Variants in CELF2 observed in about 807,000 individuals in gnomAD.
The protein encoded by CELF2 is CUG triplet repeat RNA-binding protein 2.
A neutral mutation model predicts 62.6 loss-of-function variants in CELF2; 8 were observed. The observed-to-expected ratio is 0.13, with a 90% CI of 0.07 to 0.23. CELF2 has a LOEUF of 0.23. Among genes scored for constraint, CELF2 ranks in the 10% least tolerant of loss-of-function variants. CELF2 has a pLI of 1.00. For missense variants in CELF2, 333 were observed against 671.0 expected (o/e 0.50, Z 5.56); for synonymous variants, 258 against 250.0 (o/e 1.03, Z -0.30).
At chr10:10,637,267 C>T in the CELF2 span, among the ~76,000 whole-genome samples, 1 of 152,106 alleles carries the variant, frequency 6.6e-6, no homozygotes, top group Non-Finnish European at 1.5e-5. Flanking sequence ...CAAAACATAC[C>T]TTAGTGTCCC....
the CELF2 span, among the ~76,000 whole-genome samples, chr10:10,518,421 C>G: frequency 6.6e-6 from 1 of 152,174 alleles, no homozygotes; most frequent in African/African-American, 2.4e-5. Flanking sequence ...ATTTCACCTT[C>G]CTGGTTTGCT....
At chr10:11,193,498 G>A (rs746536234) in intron 2 of CELF2, among the ~76,000 whole-genome samples, 3 of 152,196 alleles carry the variant, frequency 2.0e-5, no homozygotes, top group East Asian at 1.9e-4. Flanking sequence ...ACAATGAGAC[G>A]TAACTGAATT....
At chr10:10,968,012 G>T (rs2050326383) in intron 2 of CELF2, among the ~76,000 whole-genome samples, 1 of 152,044 alleles carries the variant, frequency 6.6e-6, no homozygotes, top group African/African-American at 2.4e-5. Flanking sequence ...CCTGAAATCT[G>T]TACTTTAAGC....
At chr10:10,756,071 A>T in the CELF2 span, among the ~76,000 whole-genome samples, 1 of 152,216 alleles carries the variant, frequency 6.6e-6, no homozygotes, top group African/African-American at 2.4e-5. Flanking sequence ...GTAAATAATT[A>T]TTTATTTTGA....
chr10:10,690,699 G>A, the CELF2 span, among the ~76,000 whole-genome samples: 1 of 152,090 alleles, frequency 6.6e-6, no homozygotes, highest in African/African-American at 2.4e-5. Flanking sequence ...GGCCATGATG[G>A]TGAAACCCCA....
At chr10:10,813,004 C>G (rs77085424) in intron 1 of CELF2, among the ~76,000 whole-genome samples, 16,050 of 150,404 alleles carry the variant, frequency 0.11, 1,229 homozygotes, top group East Asian at 0.34. Context: ...AGAGAAGTAC[C>G]TTCCCATCGG....
At chr10:10,659,423 T>G in the CELF2 span, among the ~76,000 whole-genome samples, 1 of 152,312 alleles carries the variant, frequency 6.6e-6, no homozygotes, top group African/African-American at 2.4e-5. Context: ...GTAGGTTATT[T>G]TCCTTTAGCA....
At chr10:11,312,907 C>A (rs1343755610) in intron 9 of CELF2, among the ~76,000 whole-genome samples, 1 of 152,136 alleles carries the variant, frequency 6.6e-6, no homozygotes. Context: ...GCACTCCAGT[C>A]TGGGCGACAG....
chr10:10,734,448 G>A, the CELF2 span, among the ~76,000 whole-genome samples: 1 of 152,182 alleles, frequency 6.6e-6, no homozygotes, highest in Admixed American at 6.5e-5. Context: ...ATGTATGTGT[G>A]TCCTCATTTG....
chr10:10,724,650 C>T, the CELF2 span, among the ~76,000 whole-genome samples: 9 of 112,764 alleles, frequency 8.0e-5, no homozygotes, highest in East Asian at 2.3e-4. Flanking sequence ...AGCAAGACTC[C>T]GTCTCAAAAA....
chr10:10,694,266 T>C, the CELF2 span, among the ~76,000 whole-genome samples: 1,005 of 152,270 alleles, frequency 6.6e-3, 9 homozygotes, highest in African/African-American at 0.023. Flanking sequence ...CATTTCGTTG[T>C]GTACCCAGTA....
rs1230508724 is a variant in CELF2, at chr10:11,220,013, G to T, written c.354+2506G>T. On this transcript the variant is annotated intron_variant, in intron 3 of 12. Coordinates refer to ENST00000633077, the MANE Select transcript of CELF2 (RefSeq NM_001326342.2). This position sits in a 1 kb window ranked among gnomAD's most constrained non-coding sequence, Gnocchi z 4.4. ...TTTTAACTGGTTGCCTTCATATTAT[G>T]AAATTAATAAGAAATTAATGATGCA... Among the ~76,000 whole-genome samples the T allele has an allele frequency of 6.6e-6, 1 of 152,158 alleles. No individual in the cohort carries two copies. The highest frequency in any genetic ancestry group is 1.9e-4 in the East Asian group (1 of 5,202).
At chr10:11,084,529 A>G (rs1365531642) in intron 1 of CELF2, among the ~76,000 whole-genome samples, 1 of 152,242 alleles carries the variant, frequency 6.6e-6, no homozygotes, top group African/African-American at 2.4e-5. Flanking sequence ...GCTTCAAGAA[A>G]GATGGACAGT....
At chr10:10,468,289 C>G in the CELF2 span, among the ~76,000 whole-genome samples, 1 of 151,928 alleles carries the variant, frequency 6.6e-6, no homozygotes, top group Non-Finnish European at 1.5e-5. Flanking sequence ...CTTGAGCATC[C>G]CCATAAAACT....
chr10:11,265,925 T>G (rs982227533), intron 5 of CELF2, among the ~76,000 whole-genome samples: 1 of 152,248 alleles, frequency 6.6e-6, no homozygotes, highest in African/African-American at 2.4e-5. Flanking sequence ...GTTTTTTACA[T>G]TTTATAGCAG....
chr10:10,575,906 G>A, the CELF2 span, among the ~76,000 whole-genome samples: 10 of 152,172 alleles, frequency 6.6e-5, no homozygotes, highest in Non-Finnish European at 1.5e-4. Context: ...TTGACCCCTG[G>A]CAAGGTCCTG....
the CELF2 span, among the ~76,000 whole-genome samples, chr10:10,607,065 C>T: frequency 7.2e-5 from 11 of 152,112 alleles, no homozygotes; most frequent in Admixed American, 1.3e-4. Flanking sequence ...TATGTGCTCT[C>T]CATAAATATT....
At chr10:11,130,705 T>C (rs1211724985) in intron 1 of CELF2, among the ~76,000 whole-genome samples, 3 of 152,326 alleles carry the variant, frequency 2.0e-5, no homozygotes, top group East Asian at 3.9e-4. Context: ...TAAAAATGTG[T>C]ACTTAAAAAA....
chr10:10,561,563 G>C, the CELF2 span, among the ~76,000 whole-genome samples: 1 of 152,304 alleles, frequency 6.6e-6, no homozygotes, highest in East Asian at 1.9e-4. Flanking sequence ...TTTGATGAGT[G>C]CTAAGGAGAA....
Sources: gnomAD v4.1 joint callset for allele counts (sites outside exome capture counted in the v4.1 genomes callset) on GRCh38, gnomAD v4.1.1 for gene constraint, Gnocchi (gnomAD v3.1) non-coding constraint, MANE v1.5 for transcripts, NCBI Gene and HGNC (gene_info 2026-07-23, HGNC 2026-07-21) for gene names.